Variants in GALNT2 observed in about 807,000 individuals in gnomAD.
GALNT2 encodes the protein UDP-GalNAc:polypeptide N-acetylgalactosaminyltransferase 2.
A neutral mutation model predicts 81.4 loss-of-function variants in GALNT2; 31 were observed. The ratio of observed to expected loss-of-function variants is 0.38; its 90% CI spans 0.29 to 0.51. The LOEUF is 0.51. Ranked by LOEUF, GALNT2 falls within the 20% of genes least tolerant of loss-of-function variation. The pLI is 0.87. For synonymous variants in GALNT2, 303 were observed against 287.4 expected (o/e 1.05, Z -0.55); for missense variants, 629 against 765.7 (o/e 0.82, Z 2.11).
At chr1:230,178,824 T>A (rs1663070478) in intron 2 of GALNT2, among the ~76,000 whole-genome samples, 1 of 152,140 alleles carries the variant, frequency 6.6e-6, no homozygotes, top group South Asian at 2.1e-4. Flanking sequence ...ATGTTACACA[T>A]TCTGTGGGTT....
intron 1 of GALNT2, among the ~76,000 whole-genome samples, chr1:230,124,139 G>C (rs2102804608): frequency 6.6e-6 from 1 of 152,326 alleles, no homozygotes; most frequent in East Asian, 1.9e-4. Context: ...ATTGTCATTA[G>C]ATCTATACAA....
intron 2 of GALNT2, among the ~76,000 whole-genome samples, chr1:230,187,427 G>T (rs889854001): frequency 1.1e-4 from 16 of 152,256 alleles, no homozygotes; most frequent in African/African-American, 3.6e-4. Flanking sequence ...CAGGTGAGTG[G>T]GTGCAGGGGC....
At chr1:230,276,150 C>T (rs1358284078) in intron 15 of GALNT2, among the ~76,000 whole-genome samples, 1 of 151,824 alleles carries the variant, frequency 6.6e-6, no homozygotes, top group Non-Finnish European at 1.5e-5. Flanking sequence ...ATACACACCA[C>T]ATATATATAC....
At chr1:230,187,187 CA>C (rs1338256038) in intron 2 of GALNT2, among the ~76,000 whole-genome samples, 3 of 152,214 alleles carry the variant, frequency 2.0e-5, no homozygotes, top group African/African-American at 7.2e-5. Flanking sequence ...CAGGGCAGAG[CA>C]GTGATGTTCC....
chr1:230,225,366 G>C (rs1214307671), intron 3 of GALNT2, among the ~76,000 whole-genome samples: 1 of 152,208 alleles, frequency 6.6e-6, no homozygotes, highest in African/African-American at 2.4e-5. Flanking sequence ...GGCCCTAGTG[G>C]AAGTGCCCTG....
chr1:230,255,489 G>T lies in GALNT2; in HGVS notation c.1136+145G>T. The T allele has an allele frequency of 4.7e-6, 5 of 1,063,256 alleles. No homozygotes were observed. In the South Asian group the frequency reaches 7.6e-5, roughly 16 times the overall value. 65.9% of individuals were successfully genotyped at this position (1,063,256 alleles called of 1,614,324 possible). ...GAATACCACTTAGCAATTGAAAGGCGCATTCCACGGATGCAGGATACAACC... is the reference window on the plus strand; with the variant it reads ...GAATACCACTTAGCAATTGAAAGGCTCATTCCACGGATGCAGGATACAACC... On this transcript the variant is annotated intron_variant, in intron 11 of 15. Transcript: ENST00000366672.
Position 230,252,066 on chromosome 1 carries a change from G to A in GALNT2, c.1009+1506G>A, listed in dbSNP as rs139573433. Among the ~76,000 whole-genome samples, 13 of 152,300 alleles carry A rather than the reference G, an allele frequency of 8.5e-5. No individual in the cohort carries two copies. In the East Asian group the frequency reaches 1.9e-3, roughly 23 times the overall value. Reference sequence around the variant, plus strand: ...GGAAGGCTGGGGCATCTGTCCCTCCGTGAGGGGCTCTCCTGGGTTATGCCA... The same window carrying A: ...GGAAGGCTGGGGCATCTGTCCCTCCATGAGGGGCTCTCCTGGGTTATGCCA... On this transcript the variant is annotated intron_variant, in intron 10 of 15. Coordinates refer to ENST00000366672, the MANE Select transcript of GALNT2 (RefSeq NM_004481.5).
At chr1:230,112,724 G>A (rs896709436) in intron 1 of GALNT2, among the ~76,000 whole-genome samples, 18 of 150,974 alleles carry the variant, frequency 1.2e-4, no homozygotes, top group African/African-American at 2.9e-4. Context: ...GTTGTGCTGC[G>A]GAGATTCCTG....
intron 1 of GALNT2, among the ~76,000 whole-genome samples, chr1:230,119,211 G>A (rs1008592294): frequency 2.0e-5 from 3 of 152,104 alleles, no homozygotes; most frequent in African/African-American, 7.2e-5. Flanking sequence ...TTGGAAAATC[G>A]GAGTTTTCTT....
At chr1:230,088,604 C>T (rs1388646136) in intron 1 of GALNT2, among the ~76,000 whole-genome samples, 14 of 149,990 alleles carry the variant, frequency 9.3e-5, no homozygotes, top group African/African-American at 3.2e-4. Flanking sequence ...GTGGCGCTAT[C>T]TCGGCTCAGT....
At chr1:230,078,703 G>C (rs1251540478) in intron 1 of GALNT2, among the ~76,000 whole-genome samples, 1 of 152,262 alleles carries the variant, frequency 6.6e-6, no homozygotes, top group African/African-American at 2.4e-5. Flanking sequence ...GGTAGAGGAT[G>C]AGCTCAGGCG....
chr1:230,213,711 C>T (rs563375209), intron 3 of GALNT2, among the ~76,000 whole-genome samples: 1 of 152,186 alleles, frequency 6.6e-6, no homozygotes, highest in Admixed American at 6.5e-5. Flanking sequence ...TTTCTTTTTC[C>T]CTTGCATCCT....
intron 2 of GALNT2, among the ~76,000 whole-genome samples, chr1:230,198,636 C>T (rs891174487): frequency 1.3e-5 from 2 of 152,200 alleles, no homozygotes; most frequent in African/African-American, 4.8e-5. Context: ...CTAGCGCAGA[C>T]CTCATTCCAG....
chr1:230,172,572 C>T (rs1662828559), intron 1 of GALNT2, among the ~76,000 whole-genome samples: 1 of 152,212 alleles, frequency 6.6e-6, no homozygotes, highest in South Asian at 2.1e-4. Flanking sequence ...GGTTGGACTG[C>T]ACAGTGCCCT....
chr1:230,087,658 A>G (rs1659939546), intron 1 of GALNT2, among the ~76,000 whole-genome samples: 1 of 152,214 alleles, frequency 6.6e-6, no homozygotes, highest in Non-Finnish European at 1.5e-5. Flanking sequence ...TCACGCAGTC[A>G]GGTCTGGGGA....
At chr1:230,133,661 G>T (rs951187527) in intron 1 of GALNT2, among the ~76,000 whole-genome samples, 3 of 152,190 alleles carry the variant, frequency 2.0e-5, no homozygotes, top group Non-Finnish European at 4.4e-5. Context: ...CTCCATGTTG[G>T]CCAGGCTGGT....
chr1:230,067,231 A>T, upstream of GALNT2: 3 of 1,185,324 alleles, frequency 2.5e-6, no homozygotes, highest in South Asian at 2.9e-5. Flanking sequence ...CGGCCGGCCC[A>T]GGCAGCACTC....
At chr1:230,121,185 C>G (rs1025687532) in intron 1 of GALNT2, among the ~76,000 whole-genome samples, 1 of 152,206 alleles carries the variant, frequency 6.6e-6, no homozygotes, top group Non-Finnish European at 1.5e-5. Context: ...AGGTCACTTC[C>G]AGCTCTTTCC....
intron 10 of GALNT2, 59 bp from the exon 11 acceptor site, chr1:230,255,159 C>G: frequency 3.1e-6 from 5 of 1,612,646 alleles, no homozygotes; most frequent in Non-Finnish European, 3.4e-6. Flanking sequence ...GGTGTGTCTG[C>G]TGTTGCAGAG....
Sources: gnomAD v4.1 joint callset for allele counts (sites outside exome capture counted in the v4.1 genomes callset) on GRCh38, gnomAD v4.1.1 for gene constraint, MANE v1.5 for transcripts, NCBI Gene and HGNC (gene_info 2026-07-23, HGNC 2026-07-21) for gene names.